Variants in PDS5B observed in about 807,000 individuals in gnomAD.
PDS5B encodes sister chromatid cohesion protein PDS5 homolog B.
A neutral mutation model predicts 184.1 loss-of-function variants in PDS5B; 51 were observed. That is an observed-to-expected ratio of 0.28 (90% CI 0.22 to 0.35). PDS5B has a LOEUF of 0.35. Ranked by LOEUF, PDS5B falls within the 10% of genes least tolerant of loss-of-function variation. The probability of loss-of-function intolerance (pLI) is 1.00; values close to 1 mark genes in which losing one functional copy is unlikely to be tolerated. For missense variants in PDS5B, 1,180 were observed against 1,723.3 expected, an observed-to-expected ratio of 0.68 and a Z score of 5.58; for synonymous variants, 566 against 569.2, an observed-to-expected ratio of 0.99 and a Z score of 0.08.
chr13:32,749,099 T>G (rs1253306885), intron 24 of PDS5B, among the ~76,000 whole-genome samples: 1 of 152,224 alleles, frequency 6.6e-6, no homozygotes, highest in Admixed American at 6.5e-5. Flanking sequence ...TTTGAGCCCC[T>G]CTAATATTTT....
chr13:32,609,143 A>C (rs1349506514), intron 1 of PDS5B, among the ~76,000 whole-genome samples: 2 of 152,224 alleles, frequency 1.3e-5, no homozygotes, highest in Non-Finnish European at 2.9e-5. Flanking sequence ...TTTGCTGTGC[A>C]TAATGCAACT....
intron 15 of PDS5B, among the ~76,000 whole-genome samples, chr13:32,697,944 GC>G (rs1327857147): frequency 1.3e-5 from 2 of 152,122 alleles, no homozygotes; most frequent in Admixed American, 1.3e-4. Flanking sequence ...TGAACTGCTG[GC>G]CTCAAGTGCT....
Position 32,667,831 on chromosome 13 carries a change from CAT to C in PDS5B, c.697_698del (p.Ile233TyrfsTer5). 6.4e-7 allele frequency: 1 copy of C among 1,559,896 alleles called. No individual in the cohort carries two copies. The highest frequency in any genetic ancestry group is 8.7e-7 in the Non-Finnish European group (1 of 1,148,964). On this transcript the variant is annotated frameshift_variant, in exon 7 of 35. Transcript: ENST00000315596. LOFTEE classifies it high-confidence loss of function. ...AAGAGGACAGCTCAAGCTATTGAGCCATATATTACCAATGTAAGTCTTACTTG... is the reference window on the plus strand; with the variant it reads ...AAGAGGACAGCTCAAGCTATTGAGCCATATTACCAATGTAAGTCTTACTTG...
At chr13:32,640,835 A>G (rs1454758100) in intron 1 of PDS5B, among the ~76,000 whole-genome samples, 2 of 151,730 alleles carry the variant, frequency 1.3e-5, no homozygotes, top group African/African-American at 4.8e-5. Flanking sequence ...CAGGCAGATC[A>G]TGAGGTCAGG....
chr13:32,612,918 C>A (rs1211172131), intron 1 of PDS5B, among the ~76,000 whole-genome samples: 1 of 152,156 alleles, frequency 6.6e-6, no homozygotes, highest in Non-Finnish European at 1.5e-5. Flanking sequence ...AGGACAAAAT[C>A]GACACCCCTC....
intron 23 of PDS5B, among the ~76,000 whole-genome samples, chr13:32,744,653 A>G (rs1041953576): frequency 6.6e-6 from 1 of 152,182 alleles, no homozygotes; most frequent in Admixed American, 6.5e-5. Context: ...TCTGTGAGGA[A>G]AACATCCAAC....
At position 32,777,418 on chromosome 13, in the gene PDS5B, C is replaced by A. The variant is rs1413297219; in HGVS notation, c.*2366C>A. On this transcript the variant is annotated 3_prime_UTR_variant, in exon 35 of 35. Coordinates refer to ENST00000315596, the MANE Select transcript of PDS5B (RefSeq NM_015032.4). ...TCAAAGTTTTGATGTCTTGAGTCTC[C>A]ATCTTAGGGGATTATCTTACGTTTA... 2 of 148,790 alleles carry A rather than the reference C, an allele frequency of 1.3e-5. No individual in the cohort carries two copies. The allele number at this position is 148,790 out of a possible 1,614,324, so 9.2% of individuals were successfully genotyped here. A position where few individuals can be genotyped will look rare whatever the true frequency, so the allele number is the denominator to read the frequency against.
At chr13:32,729,360 G>C (rs1293872315) in intron 19 of PDS5B, among the ~76,000 whole-genome samples, 1 of 152,128 alleles carries the variant, frequency 6.6e-6, no homozygotes, top group Non-Finnish European at 1.5e-5. Flanking sequence ...TGGGCATTTG[G>C]ATTGGTTCCA....
At chr13:32,686,910 C>G (rs922435824) in intron 11 of PDS5B, among the ~76,000 whole-genome samples, 1 of 151,866 alleles carries the variant, frequency 6.6e-6, no homozygotes, top group African/African-American at 2.4e-5. Context: ...CATTAAAGTT[C>G]TTTACACATG....
chr13:32,627,745 A>T (rs2058392458), intron 1 of PDS5B, among the ~76,000 whole-genome samples: 1 of 152,224 alleles, frequency 6.6e-6, no homozygotes, highest in Non-Finnish European at 1.5e-5. Context: ...ATATAGTAAG[A>T]TAATAGAATT....
At chr13:32,696,357 T>C (rs545563557) in intron 14 of PDS5B, among the ~76,000 whole-genome samples, 25 of 152,254 alleles carry the variant, frequency 1.6e-4, no homozygotes, top group African/African-American at 5.8e-4. Flanking sequence ...TATGGTATAA[T>C]GTAATGAATT....
chr13:32,699,197 A>C (rs1344944458), intron 15 of PDS5B, among the ~76,000 whole-genome samples: 1 of 152,210 alleles, frequency 6.6e-6, no homozygotes, highest in Non-Finnish European at 1.5e-5. Context: ...TGATTCTGCA[A>C]AGACTCATTC....
chr13:32,600,445 G>T (rs1488487324), intron 1 of PDS5B, among the ~76,000 whole-genome samples: 2 of 152,102 alleles, frequency 1.3e-5, no homozygotes, highest in African/African-American at 4.8e-5. Flanking sequence ...TCTATAGAAA[G>T]TCTGAGGCGT....
In PDS5B at chr13:32,760,196, A is replaced by C. The variant is rs369380149; in HGVS notation, c.3373-379A>C. ...GGTCTCGATCTCCTGACCTCGTGAT[A>C]CACCCGCCTTGGCCTCCCAAAGTGC... On this transcript the variant is annotated intron_variant, in intron 29 of 34. Coordinates refer to ENST00000315596, the MANE Select transcript of PDS5B (RefSeq NM_015032.4). 1.3e-3 allele frequency among the ~76,000 whole-genome samples: 198 copies of C among 152,244 alleles called. 1 individual carries two copies. The highest frequency in any genetic ancestry group is 3.7e-3 in the African/African-American group (152 of 41,560).
Position 32,773,278 on chromosome 13 carries a change from A to G in PDS5B, c.4262A>G (p.Asp1421Gly), listed in dbSNP as rs760182183. ...TTTCAGGGTAGCTCTCCTGTCGATG[A>G]TATTCCACAGGAAGAAACAGAGGAG... ...DVFQGSSPVD[D>G]IPQEETEEEE... Residue 1421 changes from aspartate (D) to glycine (G), a missense_variant, in exon 34 of 35, where the codon GAT (aspartate) becomes GGT (glycine). By Grantham distance (94) the Asp-to-Gly change is moderately conservative (BLOSUM62 -1). This residue lies in a region of PDS5B where 465 missense variants were observed against 497.8 expected (regional missense o/e 0.93). Transcript: ENST00000315596. The G allele has an allele frequency of 3.7e-6, 6 of 1,613,294 alleles. No homozygotes were observed. Among genetic ancestry groups the G allele is most frequent in the Non-Finnish European group, 5.1e-6 (6 of 1,179,562 alleles).
intron 5 of PDS5B, 137 bp downstream of exon 5, chr13:32,658,668 A>G (rs543750663): frequency 7.3e-6 from 4 of 548,052 alleles, no homozygotes; most frequent in East Asian, 3.0e-5. Context: ...ATTTTTATAC[A>G]TGTTTCAAAA....
chr13:32,595,097 A>G (rs910755416), intron 1 of PDS5B, among the ~76,000 whole-genome samples: 11 of 152,064 alleles, frequency 7.2e-5, no homozygotes, highest in Non-Finnish European at 1.5e-4. Context: ...AATATATCCC[A>G]AACTGATCTA....
intron 1 of PDS5B, among the ~76,000 whole-genome samples, chr13:32,588,159 G>A (rs1283822814): frequency 6.6e-6 from 1 of 152,174 alleles, no homozygotes; most frequent in Non-Finnish European, 1.5e-5. Context: ...CATCTTTAGG[G>A]ACAATAAAAT....
chr13:32,771,488 C>G (rs996513955), intron 33 of PDS5B, among the ~76,000 whole-genome samples: 3 of 149,026 alleles, frequency 2.0e-5, no homozygotes, highest in African/African-American at 7.5e-5. Flanking sequence ...AAATTTAACA[C>G]TTTTTCTGAG....
Sources: allele counts gnomAD v4.1 joint callset (sites outside exome capture counted in the v4.1 genomes callset), GRCh38; gene constraint gnomAD v4.1.1; regional missense constraint gnomAD v4.1.1; transcripts MANE v1.5; gene names NCBI Gene and HGNC (gene_info 2026-07-23, HGNC 2026-07-21).